GFRA2: variants seen among roughly 807,000 people sequenced by gnomAD.
The protein encoded by GFRA2 is GDNF family receptor alpha-2.
In GFRA2, 17 loss-of-function variants were observed where a neutral mutation model predicts 48.3. The observed-to-expected ratio is 0.35, with a 90% CI of 0.24 to 0.53. The LOEUF is 0.53. GFRA2 is among the 20% of genes least tolerant of loss of function. GFRA2 has a pLI of 0.93. For synonymous variants in GFRA2, 305 were observed against 257.2 expected (o/e 1.19, Z -1.78); for missense variants, 660 against 637.3 (o/e 1.04, Z -0.38).
intron 2 of GFRA2, among the ~76,000 whole-genome samples, chr8:21,777,888 G>A (rs940936535): frequency 3.3e-5 from 5 of 152,136 alleles, no homozygotes; most frequent in Admixed American, 1.3e-4. Context: ...GGGTGAGCCC[G>A]AATGATTGCC....
intron 4 of GFRA2, among the ~76,000 whole-genome samples, chr8:21,746,390 T>G (rs1177666001): frequency 1.3e-5 from 2 of 152,096 alleles, no homozygotes; most frequent in African/African-American, 4.8e-5. Flanking sequence ...GGGACCACAT[T>G]GAAATTTGCA....
intron 1 of GFRA2, among the ~76,000 whole-genome samples, chr8:21,787,127 G>A (rs1367665413): frequency 1.3e-5 from 2 of 152,058 alleles, no homozygotes; most frequent in African/African-American, 2.4e-5. Flanking sequence ...ACCTCCCTCC[G>A]GAGATTGCCA....
Position 21,782,872 on chromosome 8 carries a change from G to C in GFRA2, c.68C>G (p.Pro23Arg). Residue 23 changes from proline (P) to arginine (R), a missense_variant, in exon 2 of 9, where the codon CCT (proline) becomes CGT (arginine). By Grantham distance (103) the Pro-to-Arg change is moderately radical. Transcript: ENST00000524240. ...GAGCTCGGGGCCCTGCAGGGAGGAA[G>C]GGCTGGCCAAAGAGCGGAGGGTCTC... ...LDETLRSLAS[P>R]SSLQGPELHG... 2 of 1,565,098 alleles carry C rather than the reference G, an allele frequency of 1.3e-6. No individual in the cohort carries two copies. Among genetic ancestry groups the C allele is most frequent in the Non-Finnish European group, 1.7e-6 (2 of 1,162,796 alleles).
intron 4 of GFRA2, among the ~76,000 whole-genome samples, chr8:21,706,767 C>T (rs991845433): frequency 6.6e-6 from 1 of 152,222 alleles, no homozygotes; most frequent in African/African-American, 2.4e-5. Context: ...TTGTGCACAG[C>T]TCTATGTTCC....
At chr8:21,807,383 C>T (rs1442955663) in intron 1 of GFRA2, among the ~76,000 whole-genome samples, 1 of 152,190 alleles carries the variant, frequency 6.6e-6, no homozygotes, top group African/African-American at 2.4e-5. Context: ...GCACCATGCT[C>T]TTGTATTGCA....
chr8:21,774,241 C>T (rs1806580067), intron 3 of GFRA2, among the ~76,000 whole-genome samples: 1 of 151,498 alleles, frequency 6.6e-6, no homozygotes, highest in Non-Finnish European at 1.5e-5. Context: ...CTCCCAGATG[C>T]CAGAGAGAAC....
At chr8:21,753,645 GA>G (rs1563248339) in intron 3 of GFRA2, among the ~76,000 whole-genome samples, 1 of 151,854 alleles carries the variant, frequency 6.6e-6, no homozygotes, top group South Asian at 2.1e-4. Context: ...AGAAAGAAAA[GA>G]AAAAAATAAT....
At chr8:21,795,443 A>G (rs1807654038) in intron 2 of GFRA2, among the ~76,000 whole-genome samples, 1 of 150,150 alleles carries the variant, frequency 6.7e-6, no homozygotes, top group Non-Finnish European at 1.5e-5. Context: ...CCTAGGCCGG[A>G]GTGCTGTGGC....
intron 1 of GFRA2, among the ~76,000 whole-genome samples, chr8:21,787,743 C>T (rs1363094123): frequency 6.6e-6 from 1 of 152,256 alleles, no homozygotes; most frequent in African/African-American, 2.4e-5. Flanking sequence ...TCTCTCCCTC[C>T]CTTCTTGCAG....
upstream of GFRA2, among the ~76,000 whole-genome samples, chr8:21,790,840 G>T (rs991484733): frequency 3.9e-5 from 6 of 152,214 alleles, no homozygotes; most frequent in African/African-American, 1.4e-4. Flanking sequence ...AAAAATTGGG[G>T]AGCATAAGGA....
chr8:21,701,272 T>C (rs1039660845), intron 7 of GFRA2, among the ~76,000 whole-genome samples: 2 of 152,298 alleles, frequency 1.3e-5, no homozygotes, highest in African/African-American at 2.4e-5. Context: ...CGGGTGCCTG[T>C]AGTCCCAGCT....
At chr8:21,760,867 T>C (rs1294626353) in intron 3 of GFRA2, among the ~76,000 whole-genome samples, 1 of 151,992 alleles carries the variant, frequency 6.6e-6, no homozygotes, top group Non-Finnish European at 1.5e-5. Flanking sequence ...AATCAAGAGA[T>C]GCTGATTTCA....
At chr8:21,796,400 G>A (rs977414227) in intron 2 of GFRA2, among the ~76,000 whole-genome samples, 14 of 152,084 alleles carry the variant, frequency 9.2e-5, no homozygotes, top group South Asian at 2.1e-4. Flanking sequence ...GCTGCCTGAC[G>A]CCCCCCGCAG....
intron 2 of GFRA2, among the ~76,000 whole-genome samples, chr8:21,776,216 A>T (rs1348412988): frequency 1.3e-5 from 2 of 151,976 alleles, no homozygotes; most frequent in Admixed American, 1.3e-4. Flanking sequence ...GCATGTGGTC[A>T]CCCAGAGGCT....
intron 4 of GFRA2, among the ~76,000 whole-genome samples, chr8:21,715,036 T>G (rs1201634555): frequency 6.6e-6 from 1 of 152,202 alleles, no homozygotes; most frequent in Non-Finnish European, 1.5e-5. Flanking sequence ...CAATGTGATG[T>G]GACACTGAGA....
At chr8:21,785,664 G>A (rs1054792672) in intron 1 of GFRA2, among the ~76,000 whole-genome samples, 49 of 152,310 alleles carry the variant, frequency 3.2e-4, no homozygotes, top group African/African-American at 1.2e-3. Flanking sequence ...TCAGTCGGAA[G>A]TGGCCCCCTC....
intron 6 of GFRA2, among the ~76,000 whole-genome samples, chr8:21,704,369 C>T (rs1802636222): frequency 6.6e-6 from 1 of 152,222 alleles, no homozygotes; most frequent in African/African-American, 2.4e-5. Flanking sequence ...ATAAGTGACC[C>T]CTCTCAGTCT....
In GFRA2 at chr8:21,693,365, C is replaced by T. The variant is rs371961356; in HGVS notation, c.1308G>A (p.Val436=). 128 of 1,613,048 alleles carry T rather than the reference C, an allele frequency of 7.9e-5. No homozygotes were observed. The African/African-American group carries it at 1.4e-3, about 18-fold the overall frequency. ...TTNIIPGSNK[V]IKPNSGPSRA... ...TGCTGGGGCCTGAGTTAGGTTTGAT[C>T]ACCTTGTTACTCCCTGGGATGATAT... The change falls in exon 9 of 9, where the codon GTG becomes GTA. Residue 436 remains valine (V), a synonymous_variant. Transcript: ENST00000524240.
At chr8:21,707,496 CA>C (rs924596491) in intron 4 of GFRA2, among the ~76,000 whole-genome samples, 3 of 152,256 alleles carry the variant, frequency 2.0e-5, no homozygotes, top group Non-Finnish European at 4.4e-5. Context: ...CACCACTGGA[CA>C]AATTCGTTTC....
Sources: gnomAD v4.1 joint callset for allele counts (sites outside exome capture counted in the v4.1 genomes callset) on GRCh38, gnomAD v4.1.1 for gene constraint, MANE v1.5 for transcripts, NCBI Gene and HGNC (gene_info 2026-07-23, HGNC 2026-07-21) for gene names.